The following ANKRD11 variants were observed in gnomAD, a reference collection of about 807,000 sequenced individuals.
ANKRD11 encodes ankyrin repeat domain-containing protein 11.
Under a neutral mutation model 195.7 loss-of-function variants are expected in ANKRD11, and 17 were observed. The observed-to-expected ratio is 0.09, with a 90% CI of 0.06 to 0.13. The LOEUF is 0.13. Ranked by LOEUF, ANKRD11 falls within the 10% of genes least tolerant of loss-of-function variation. The pLI is 1.00. For missense variants in ANKRD11, 3,735 were observed against 3,566.1 expected (o/e 1.05, Z -1.21); for synonymous variants, 1,953 against 1,528.1 (o/e 1.28, Z -6.49).
Position 89,282,557 on chromosome 16 carries a change from G to A in ANKRD11, c.3985C>T (p.Pro1329Ser). ...AFLEVSFTEP[P>S]GDDKPRESAC... is the part of the protein sequence containing the mutation. Reference sequence around the variant, plus strand: ...CTCTCCCTCGGCTTGTCGTCTCCAGGTGGCTCCGTGAAAGAGACCTCCAGG... The same window carrying A: ...CTCTCCCTCGGCTTGTCGTCTCCAGATGGCTCCGTGAAAGAGACCTCCAGG... Residue 1329 changes from proline to serine, a missense_variant, in exon 9 of 13, where the codon CCT becomes TCT. Transcript: ENST00000301030. 1 of 1,614,002 alleles carries A rather than the reference G, an allele frequency of 6.2e-7. No homozygotes were observed. The highest frequency in any genetic ancestry group is 1.1e-5 in the South Asian group (1 of 91,066).
At chr16:89,465,884 G>A (rs2056864916) in intron 1 of ANKRD11, among the ~76,000 whole-genome samples, 1 of 152,076 alleles carries the variant, frequency 6.6e-6, no homozygotes, top group African/African-American at 2.4e-5. Flanking sequence ...CTAATTTTTT[G>A]TATTTTTAGT....
At position 89,286,100 on chromosome 16, in the gene ANKRD11, G is replaced by C; in HGVS notation, c.831C>G (p.Pro277=). 3 of 1,614,244 alleles carry C rather than the reference G, an allele frequency of 1.9e-6. No homozygotes were observed. The highest frequency in any genetic ancestry group is 2.5e-6 in the Non-Finnish European group (3 of 1,180,040). Residue 277 remains proline (P), a synonymous_variant, in exon 8 of 13, where the codon CCC becomes CCG. Transcript: ENST00000301030. The part of the protein sequence containing the change: ...GETPLKVANS[P]TMVNLLLGKG... ...TGCCTAACAGGAGGTTCACCATCGT[G>C]GGGGAGTTGGCCACTTTCAGCGGCG...
intron 1 of ANKRD11, among the ~76,000 whole-genome samples, chr16:89,428,370 A>C (rs1306555703): frequency 6.6e-6 from 1 of 150,580 alleles, no homozygotes; most frequent in African/African-American, 2.5e-5. Context: ...CTAAAAATAC[A>C]AAAAAATTAG....
At chr16:89,384,413 C>T (rs1253665506) in intron 2 of ANKRD11, among the ~76,000 whole-genome samples, 2 of 151,996 alleles carry the variant, frequency 1.3e-5, no homozygotes, top group Non-Finnish European at 2.9e-5. Flanking sequence ...TGGCTGTAAT[C>T]CCAGCTATGT....
chr16:89,306,934 AG>A (rs2036313011), intron 3 of ANKRD11, among the ~76,000 whole-genome samples: 1 of 152,132 alleles, frequency 6.6e-6, no homozygotes, highest in Non-Finnish European at 1.5e-5. Flanking sequence ...ACCTCCCAGG[AG>A]GGAGACGGTG....
intron 7 of ANKRD11, 92 bp downstream of exon 7, chr16:89,288,436 T>A (rs1342505202): frequency 3.1e-6 from 5 of 1,591,800 alleles, no homozygotes; most frequent in African/African-American, 1.3e-5. Context: ...GTGCCCCACA[T>A]CATGGAACCG....
chr16:89,344,313 C>T (rs2038837574), intron 2 of ANKRD11, among the ~76,000 whole-genome samples: 1 of 152,130 alleles, frequency 6.6e-6, no homozygotes. Flanking sequence ...GTATTATTTC[C>T]ACATGGCAAA....
chr16:89,361,169 G>T (rs1415254359), intron 2 of ANKRD11, among the ~76,000 whole-genome samples: 1 of 152,164 alleles, frequency 6.6e-6, no homozygotes, highest in Non-Finnish European at 1.5e-5. Context: ...CTGAAACCCT[G>T]CTCAGCTACC....
intron 1 of ANKRD11, among the ~76,000 whole-genome samples, chr16:89,469,073 A>C (rs967957924): frequency 1.3e-5 from 2 of 152,126 alleles, no homozygotes; most frequent in African/African-American, 4.8e-5. Context: ...AATGGTGAAA[A>C]AGTGGACACT....
intron 1 of ANKRD11, among the ~76,000 whole-genome samples, chr16:89,463,130 G>A (rs1246664839): frequency 2.0e-5 from 3 of 152,102 alleles, no homozygotes; most frequent in East Asian, 3.9e-4. Context: ...CTACTGGGAA[G>A]TGAGGAGCCC....
At chr16:89,477,218 A>T (rs1234074683) in intron 1 of ANKRD11, among the ~76,000 whole-genome samples, 2 of 149,690 alleles carry the variant, frequency 1.3e-5, no homozygotes, top group Non-Finnish European at 3.0e-5. Context: ...TTGGAGACAG[A>T]GTCTCACTCT....
chr16:89,316,719 G>T (rs377080072), intron 3 of ANKRD11, among the ~76,000 whole-genome samples: 1 of 152,176 alleles, frequency 6.6e-6, no homozygotes, highest in Non-Finnish European at 1.5e-5. Flanking sequence ...ATTATTTAAC[G>T]CTTGACTTCG....
chr16:89,417,721 G>C (rs1442050777), intron 2 of ANKRD11, among the ~76,000 whole-genome samples: 1 of 151,994 alleles, frequency 6.6e-6, no homozygotes, highest in Non-Finnish European at 1.5e-5. Context: ...AACCTAACAA[G>C]AGCACAACAG....
chr16:89,427,912 G>C (rs1339100118), intron 1 of ANKRD11, among the ~76,000 whole-genome samples: 1 of 151,878 alleles, frequency 6.6e-6, no homozygotes, highest in Non-Finnish European at 1.5e-5. Context: ...AAACTCTTTA[G>C]TTTGAAAGGT....
At chr16:89,434,177 C>G (rs2043114450) in intron 1 of ANKRD11, among the ~76,000 whole-genome samples, 1 of 152,180 alleles carries the variant, frequency 6.6e-6, no homozygotes, top group South Asian at 2.1e-4. Context: ...CAAGATGCCA[C>G]TCACCCATGG....
At chr16:89,323,708 C>A in intron 2 of ANKRD11, 1 of 290,142 alleles carries the variant, frequency 3.4e-6, no homozygotes, top group Non-Finnish European at 6.7e-6. Context: ...CTCCACACAC[C>A]CCTGCACGTT....
intron 2 of ANKRD11, among the ~76,000 whole-genome samples, chr16:89,358,698 G>A (rs1269123077): frequency 6.6e-6 from 1 of 152,166 alleles, no homozygotes; most frequent in African/African-American, 2.4e-5. Flanking sequence ...CCCACAAGCT[G>A]CCCTCGCTGG....
Position 89,280,750 on chromosome 16 carries a change from A to C in ANKRD11, c.5792T>G (p.Leu1931Arg). The change falls in exon 9 of 13, where the codon CTG becomes CGG. Residue 1931 changes from leucine to arginine, a missense_variant. Physicochemically the swap from Leu to Arg is moderately radical, Grantham distance 102. Coordinates refer to ENST00000301030, the MANE Select transcript of ANKRD11 (RefSeq NM_013275.6). Reference protein sequence around the residue: ...AAIIPPEPSYLEPLDEGPFSA... With the variant: ...AAIIPPEPSYREPLDEGPFSA... ...GAAGGGACCCTCGTCCAGCGGCTCC[A>C]GGTAGCTGGGCTCCGGGGGGATGAT... 6.2e-7 allele frequency: 1 copy of C among 1,613,314 alleles called. No homozygotes were observed. The highest frequency in any genetic ancestry group is 8.5e-7 in the Non-Finnish European group (1 of 1,179,768).
chr16:89,379,095 C>T (rs769262184), intron 2 of ANKRD11, among the ~76,000 whole-genome samples: 7 of 152,200 alleles, frequency 4.6e-5, no homozygotes, highest in Admixed American at 2.6e-4. Flanking sequence ...GTCGGCAGTG[C>T]GGACCAGCCC....
Sources: allele counts gnomAD v4.1 joint callset (sites outside exome capture counted in the v4.1 genomes callset), GRCh38; gene constraint gnomAD v4.1.1; transcripts MANE v1.5; gene names NCBI Gene and HGNC (gene_info 2026-07-23, HGNC 2026-07-21).